HSD17B7: variants seen among roughly 807,000 people sequenced by gnomAD.
HSD17B7 encodes the protein 3-keto-steroid reductase/17-beta-hydroxysteroid dehydrogenase 7.
Under a neutral mutation model 34.1 loss-of-function variants are expected in HSD17B7, and 17 were observed. The ratio of observed to expected loss-of-function variants is 0.50; its 90% CI spans 0.34 to 0.75. The LOEUF is 0.75. Among genes scored for constraint, HSD17B7 ranks in the 30% least tolerant of loss-of-function variants. The pLI is 0.01. For missense variants in HSD17B7, 296 were observed against 406.6 expected (o/e 0.73, Z 2.34); for synonymous variants, 122 against 154.6 (o/e 0.79, Z 1.56).
At chr1:162,797,729 G>T in intron 3 of HSD17B7, 73 bp from the exon 4 acceptor site, 1 of 1,556,454 alleles carries the variant, frequency 6.4e-7, no homozygotes, top group Non-Finnish European at 8.7e-7. Flanking sequence ...GGGGGGATGG[G>T]TTGGAAAGTG....
intron 8 of HSD17B7, among the ~76,000 whole-genome samples, chr1:162,806,333 C>A (rs116614094): frequency 0.012 from 1,837 of 152,174 alleles, 27 homozygotes; most frequent in African/African-American, 0.042. Context: ...CTGTTAGTAG[C>A]GTGAGTTAAA....
At position 162,798,099 on chromosome 1, in the gene HSD17B7, G is replaced by A. The variant is rs996121581; in HGVS notation, c.447+183G>A. 3.7e-6 allele frequency: 4 copies of A among 1,087,916 alleles called. No individual in the cohort carries two copies. The Admixed American group carries it at 1.0e-4, about 28-fold the overall frequency. The allele number at this position is 1,087,916 out of a possible 1,614,324, so 67.4% of individuals were successfully genotyped here. ...AATACTTCTGGAAGCTTTCCTAGTA[G>A]ATTTTTCTTTAATAAATGTACTAAT... On this transcript the variant is annotated intron_variant, in intron 4 of 8. Transcript: ENST00000254521.
At chr1:162,794,587 G>A (rs1183026986) in intron 2 of HSD17B7, among the ~76,000 whole-genome samples, 1 of 152,048 alleles carries the variant, frequency 6.6e-6, no homozygotes, top group Non-Finnish European at 1.5e-5. Flanking sequence ...ACTGTATACT[G>A]AATGTCCTTA....
chr1:162,808,307 G>A (rs1473221791), intron 8 of HSD17B7, among the ~76,000 whole-genome samples: 2 of 152,020 alleles, frequency 1.3e-5, no homozygotes, highest in Admixed American at 1.3e-4. Context: ...TGAGGGCTGT[G>A]TTCTGTTCCA....
At chr1:162,792,922 A>C (rs1189572401) in intron 2 of HSD17B7, 60 bp downstream of exon 2, 1 of 1,543,312 alleles carries the variant, frequency 6.5e-7, no homozygotes, top group African/African-American at 1.4e-5. Flanking sequence ...ACACTTAATA[A>C]AATAAGAGAG....
intron 5 of HSD17B7, chr1:162,800,308 G>A (rs1055042768): frequency 3.2e-5 from 15 of 461,642 alleles, no homozygotes; most frequent in Admixed American, 7.0e-5. Context: ...ACTAAATCTC[G>A]GAGAACTTAA....
chr1:162,795,348 T>A (rs957189942), intron 2 of HSD17B7, among the ~76,000 whole-genome samples: 18 of 152,222 alleles, frequency 1.2e-4, no homozygotes, highest in African/African-American at 3.4e-4. Context: ...TTATCCATAT[T>A]AGAGCAATGT....
chr1:162,793,554 C>T (rs1648492940), intron 2 of HSD17B7, among the ~76,000 whole-genome samples: 1 of 152,188 alleles, frequency 6.6e-6, no homozygotes, highest in Non-Finnish European at 1.5e-5. Context: ...GCTGGGATTA[C>T]AGGTGTGAAC....
At chr1:162,803,661 T>C (rs1648890738) in intron 6 of HSD17B7, 126 bp downstream of exon 6, 1 of 1,169,114 alleles carries the variant, frequency 8.6e-7, no homozygotes, top group Non-Finnish European at 1.2e-6. Flanking sequence ...TTGAGGTTTT[T>C]GAACTTACTT....
rs1648376421 is a variant in HSD17B7, at chr1:162,790,841, G to T, written c.35+6G>T. ...TTGATCACCGGGGCTAGCAGGTGAGGCCTCCTTTGGGTTGGCAGAGGCGGC... is the reference window on the plus strand; with the variant it reads ...TTGATCACCGGGGCTAGCAGGTGAGTCCTCCTTTGGGTTGGCAGAGGCGGC... On this transcript the variant is annotated splice_donor_region_variant and intron_variant, in intron 1 of 8. Transcript: ENST00000254521. 6.2e-7 allele frequency: 1 copy of T among 1,613,696 alleles called. No individual in the cohort carries two copies. The highest frequency in any genetic ancestry group is 2.2e-5 in the East Asian group (1 of 44,866).
intron 8 of HSD17B7, among the ~76,000 whole-genome samples, chr1:162,811,002 T>G (rs1649155011): frequency 1.3e-5 from 2 of 152,246 alleles, no homozygotes; most frequent in Non-Finnish European, 2.9e-5. Context: ...TGATGTTAGC[T>G]GGTTATTTTG....
chr1:162,793,446 G>C (rs190995836), intron 2 of HSD17B7, among the ~76,000 whole-genome samples: 2 of 151,174 alleles, frequency 1.3e-5, no homozygotes, highest in African/African-American at 4.9e-5. Flanking sequence ...GAGCCATTGC[G>C]CCCAGCCAGT....
chr1:162,792,652 C>G lies in HSD17B7; in HGVS notation c.36-7C>G. 1.2e-6 allele frequency: 2 copies of G among 1,609,482 alleles called. No homozygotes were observed. Among genetic ancestry groups the G allele is most frequent in the Non-Finnish European group, 1.7e-6 (2 of 1,177,772 alleles). ...ACCCACATCTTGTGTCTGAATTGTC[C>G]TCCCAGTGGCATTGGCCTGGCCCTC... On this transcript the variant is annotated splice_region_variant and splice_polypyrimidine_tract_variant and intron_variant, in intron 1 of 8. Coordinates refer to ENST00000254521, the MANE Select transcript of HSD17B7 (RefSeq NM_016371.4).
At chr1:162,801,607 T>C (rs1295350376) in intron 5 of HSD17B7, among the ~76,000 whole-genome samples, 1 of 152,130 alleles carries the variant, frequency 6.6e-6, no homozygotes, top group Non-Finnish European at 1.5e-5. Context: ...ATGTACGGGT[T>C]TTATGGGTGT....
intron 8 of HSD17B7, among the ~76,000 whole-genome samples, chr1:162,808,550 A>G (rs1649066586): frequency 6.6e-6 from 1 of 152,160 alleles, no homozygotes; most frequent in Non-Finnish European, 1.5e-5. Context: ...TCTATAAATT[A>G]CCTTGGGTAG....
chr1:162,812,476 A>G lies in HSD17B7; in HGVS notation c.*56A>G. 1 of 1,517,528 alleles carries G rather than the reference A, an allele frequency of 6.6e-7. No individual in the cohort carries two copies. The highest frequency in any genetic ancestry group is 8.9e-7 in the Non-Finnish European group (1 of 1,118,992). The allele number at this position is 1,517,528 out of a possible 1,614,324, so 94.0% of individuals were successfully genotyped here. A position where few individuals can be genotyped will look rare whatever the true frequency, so the allele number is the denominator to read the frequency against. ...GATCACTTGAGACCAGGAGTTCAAG[A>G]CCAGCCTGAGAAACATAGTGAGCCC... On this transcript the variant is annotated 3_prime_UTR_variant, in exon 9 of 9. Transcript: ENST00000254521.
intron 3 of HSD17B7, chr1:162,797,382 C>T (rs114053673): frequency 0.029 from 4,629 of 161,040 alleles, 107 homozygotes; most frequent in Middle Eastern, 0.059. Flanking sequence ...TTGAAGTATT[C>T]CCAGTTAAAA....
intron 5 of HSD17B7, among the ~76,000 whole-genome samples, chr1:162,801,975 G>A (rs1326762931): frequency 6.6e-6 from 1 of 152,130 alleles, no homozygotes; most frequent in Non-Finnish European, 1.5e-5. Context: ...TTGGTTCTCA[G>A]CCAATGACTT....
At chr1:162,812,147 G>C (rs1385554240) in intron 8 of HSD17B7, 151 bp from the exon 9 acceptor site, 1 of 963,154 alleles carries the variant, frequency 1.0e-6, no homozygotes, top group Non-Finnish European at 1.5e-6. Context: ...TATGTCTTCA[G>C]GCTCTCAGCT....
Sources: allele counts gnomAD v4.1 joint callset (sites outside exome capture counted in the v4.1 genomes callset), GRCh38; gene constraint gnomAD v4.1.1; transcripts MANE v1.5; gene names NCBI Gene and HGNC (gene_info 2026-07-23, HGNC 2026-07-21).